The following BRINP3 variants were observed in gnomAD, a reference collection of about 807,000 sequenced individuals.
The protein encoded by BRINP3 is BMP/retinoic acid-inducible neural-specific protein 3.
Under a neutral mutation model 71.0 loss-of-function variants are expected in BRINP3, and 19 were observed. That is an observed-to-expected ratio of 0.27 (90% CI 0.19 to 0.39). The LOEUF is 0.39. Among genes scored for constraint, BRINP3 ranks in the 10% least tolerant of loss-of-function variants. The pLI is 1.00. For missense variants in BRINP3, 959 were observed against 940.8 expected (o/e 1.02, Z -0.25); for synonymous variants, 380 against 337.7 (o/e 1.13, Z -1.37).
chr1:190,382,513 G>T (rs568486941), intron 2 of BRINP3, among the ~76,000 whole-genome samples: 1 of 152,108 alleles, frequency 6.6e-6, no homozygotes, highest in Admixed American at 6.6e-5. Context: ...AATGAGCAAA[G>T]ATTTGATTTA....
intron 7 of BRINP3, among the ~76,000 whole-genome samples, chr1:190,150,494 C>G (rs1423893636): frequency 6.6e-6 from 1 of 152,080 alleles, no homozygotes; most frequent in African/African-American, 2.4e-5. Context: ...TAGGTTTTCC[C>G]CACTGCATTG....
chr1:190,353,544 C>T (rs1381202540), intron 2 of BRINP3, among the ~76,000 whole-genome samples: 2 of 151,924 alleles, frequency 1.3e-5, no homozygotes, highest in Admixed American at 6.6e-5. Flanking sequence ...AACTGAAACA[C>T]GATTATAAAA....
chr1:190,245,120 A>G (rs1659464988), intron 4 of BRINP3, among the ~76,000 whole-genome samples: 1 of 152,064 alleles, frequency 6.6e-6, no homozygotes, highest in African/African-American at 2.4e-5. Context: ...CAATTAAACA[A>G]GCACCCGAGA....
At chr1:190,099,297 T>TACACAC (rs56359524) in intron 7 of BRINP3, among the ~76,000 whole-genome samples, 163 bp from the exon 8 acceptor site, 5 of 149,436 alleles carry the variant, frequency 3.3e-5, no homozygotes, top group African/African-American at 1.2e-4. Context: ...GACTATATAA[T>TACACAC]ACACACACAC....
At chr1:190,283,149 T>C (rs996599697) in intron 2 of BRINP3, among the ~76,000 whole-genome samples, 4 of 151,994 alleles carry the variant, frequency 2.6e-5, no homozygotes, top group African/African-American at 9.7e-5. Context: ...AGGGAAGACT[T>C]TGGCCTGAAC....
At chr1:190,202,127 A>C (rs533374453) in intron 6 of BRINP3, among the ~76,000 whole-genome samples, 1 of 152,268 alleles carries the variant, frequency 6.6e-6, no homozygotes, top group East Asian at 1.9e-4. Context: ...TGTACTCTTC[A>C]AAGCCACAGT....
At chr1:190,362,885 T>C (rs897872096) in intron 2 of BRINP3, among the ~76,000 whole-genome samples, 5 of 152,200 alleles carry the variant, frequency 3.3e-5, no homozygotes, top group African/African-American at 1.2e-4. Flanking sequence ...GTGATGGGTA[T>C]GTCTTTATCA....
At chr1:190,268,122 G>A (rs990323028) in intron 3 of BRINP3, among the ~76,000 whole-genome samples, 1 of 151,980 alleles carries the variant, frequency 6.6e-6, no homozygotes, top group East Asian at 1.9e-4. Context: ...TGGCTCAATA[G>A]TAGGAAATCA....
At chr1:190,410,658 C>A (rs575192322) in intron 2 of BRINP3, among the ~76,000 whole-genome samples, 1 of 151,998 alleles carries the variant, frequency 6.6e-6, no homozygotes, top group African/African-American at 2.4e-5. Flanking sequence ...AAGACTAAAT[C>A]GTTTTAGAAG....
intron 2 of BRINP3, chr1:190,342,739 A>C (rs1667746951): frequency 6.6e-6 from 1 of 151,790 alleles, no homozygotes; most frequent in South Asian, 2.1e-4. Context: ...GAGCTAAGGG[A>C]AATAAATGTG....
rs958619025 is a variant in BRINP3, at chr1:190,422,380, C to T, written c.236+32275G>A. On this transcript the variant is annotated intron_variant, in intron 2 of 7. Coordinates refer to ENST00000367462, the MANE Select transcript of BRINP3 (RefSeq NM_199051.3). ...CTGAGAAGATCATATTGCTCAGATT[C>T]TCTATGAACCTCAGAAAAGACATCA... Among the ~76,000 whole-genome samples, 5 of 151,744 alleles carry T rather than the reference C, an allele frequency of 3.3e-5. No homozygotes were observed. In the Admixed American group the frequency reaches 3.3e-4, roughly 10 times the overall value.
chr1:190,185,810 T>C (rs1021028880), intron 6 of BRINP3, among the ~76,000 whole-genome samples: 1 of 152,152 alleles, frequency 6.6e-6, no homozygotes, highest in African/African-American at 2.4e-5. Context: ...AATTATCTAG[T>C]CTACAAGCAA....
intron 6 of BRINP3, among the ~76,000 whole-genome samples, chr1:190,199,321 A>G (rs559041947): frequency 2.0e-5 from 3 of 152,232 alleles, no homozygotes; most frequent in Admixed American, 6.5e-5. Flanking sequence ...CCCTGGTTGT[A>G]TAACCATTTT....
chr1:190,109,788 C>T (rs892878352), intron 7 of BRINP3, among the ~76,000 whole-genome samples: 4 of 152,202 alleles, frequency 2.6e-5, no homozygotes, highest in African/African-American at 7.2e-5. Flanking sequence ...GTTTCTCCAG[C>T]CTTTGGACTC....
chr1:190,168,827 T>C (rs1408803055), intron 6 of BRINP3, among the ~76,000 whole-genome samples: 1 of 152,196 alleles, frequency 6.6e-6, no homozygotes, highest in Non-Finnish European at 1.5e-5. Flanking sequence ...ATTCCTGATG[T>C]GGTAGCTTTA....
At chr1:190,105,377 A>T (rs1266947116) in intron 7 of BRINP3, among the ~76,000 whole-genome samples, 1 of 152,128 alleles carries the variant, frequency 6.6e-6, no homozygotes, top group Admixed American at 6.6e-5. Context: ...AAGGCAATGA[A>T]TAAGTGTGTG....
At chr1:190,178,744 A>G (rs946778361) in intron 6 of BRINP3, among the ~76,000 whole-genome samples, 2 of 152,158 alleles carry the variant, frequency 1.3e-5, no homozygotes, top group African/African-American at 4.8e-5. Context: ...CACTATAGAG[A>G]TGAAAGGAAA....
chr1:190,457,180 G>A (rs959796478), intron 1 of BRINP3, among the ~76,000 whole-genome samples: 2 of 152,040 alleles, frequency 1.3e-5, no homozygotes, highest in African/African-American at 4.8e-5. Context: ...GGTAGCTCAC[G>A]CCTATAATCC....
At chr1:190,374,297 T>C (rs1033563165) in intron 2 of BRINP3, among the ~76,000 whole-genome samples, 4 of 152,098 alleles carry the variant, frequency 2.6e-5, no homozygotes, top group Non-Finnish European at 4.4e-5. Flanking sequence ...TGTCTGTCTG[T>C]CTCTCTGACT....
Sources: allele counts gnomAD v4.1 joint callset (sites outside exome capture counted in the v4.1 genomes callset), GRCh38; gene constraint gnomAD v4.1.1; transcripts MANE v1.5; gene names NCBI Gene and HGNC (gene_info 2026-07-23, HGNC 2026-07-21).